Variants in ARHGAP6 observed in about 807,000 individuals in gnomAD.
The protein encoded by ARHGAP6 is rho GTPase-activating protein 6.
Under a neutral mutation model 55.7 loss-of-function variants are expected in ARHGAP6, and 16 were observed. The ratio of observed to expected loss-of-function variants is 0.29; its 90% CI spans 0.19 to 0.44. ARHGAP6 has a LOEUF of 0.44. ARHGAP6 is among the 20% of genes least tolerant of loss of function. The pLI, the probability that ARHGAP6 is intolerant of heterozygous loss-of-function variation, is 1.00. For missense variants in ARHGAP6, 698 were observed against 808.9 expected, an observed-to-expected ratio of 0.86 and a Z score of 1.66; for synonymous variants, 382 against 360.9, an observed-to-expected ratio of 1.06 and a Z score of -0.66.
At chrX:11,178,316 C>G in intron 7 of ARHGAP6, 68 bp from the exon 8 acceptor site, 1 of 1,069,211 alleles carries the variant, frequency 9.4e-7, no homozygotes, top group Non-Finnish European at 1.2e-6. Flanking sequence ...AGAGGAAAGG[C>G]CTCCTCTCAA....
chrX:11,554,081 A>G (rs1196744804), intron 1 of ARHGAP6, among the ~76,000 whole-genome samples: 2 of 112,479 alleles, frequency 1.8e-5, no homozygotes, highest in Non-Finnish European at 3.8e-5. Context: ...AATGTGCTGT[A>G]TAATATACAC....
intron 1 of ARHGAP6, among the ~76,000 whole-genome samples, chrX:11,406,968 A>G: frequency 9.1e-6 from 1 of 110,430 alleles, no homozygotes; most frequent in Non-Finnish European, 1.9e-5. Flanking sequence ...TTCTTGGTTC[A>G]TTTTTTATAA....
chrX:11,336,154 T>C (rs1329510784), intron 1 of ARHGAP6, among the ~76,000 whole-genome samples: 2 of 112,276 alleles, frequency 1.8e-5, no homozygotes, highest in Non-Finnish European at 3.8e-5. Flanking sequence ...ATTTTTAAAA[T>C]ATTTTAAATT....
intron 1 of ARHGAP6, among the ~76,000 whole-genome samples, chrX:11,656,487 C>G (rs1348507076): frequency 8.9e-6 from 1 of 112,333 alleles, no homozygotes; most frequent in African/African-American, 3.2e-5. Flanking sequence ...GTCAGTAGAG[C>G]TATATTCCTC....
At chrX:11,314,605 C>T (rs779966671) in intron 1 of ARHGAP6, among the ~76,000 whole-genome samples, 35 of 112,158 alleles carry the variant, frequency 3.1e-4, no homozygotes, top group Non-Finnish European at 5.3e-4. Flanking sequence ...CATCCATGTC[C>T]CTGCAAAAGA....
intron 1 of ARHGAP6, among the ~76,000 whole-genome samples, chrX:11,286,092 CT>C (rs1480483466): frequency 8.9e-6 from 1 of 112,138 alleles, no homozygotes; most frequent in African/African-American, 3.2e-5. Flanking sequence ...AATTTAGACA[CT>C]TTTTGAATTA....
intron 1 of ARHGAP6, among the ~76,000 whole-genome samples, chrX:11,556,404 G>A (rs941352268): frequency 1.2e-4 from 13 of 112,106 alleles, no homozygotes; most frequent in Non-Finnish European, 9.4e-5. Flanking sequence ...TTACAAGGAA[G>A]ACCCAAGAGG....
At chrX:11,325,454 T>C (rs1387281014) in intron 1 of ARHGAP6, among the ~76,000 whole-genome samples, 3 of 112,291 alleles carry the variant, frequency 2.7e-5, no homozygotes, top group African/African-American at 9.7e-5. Flanking sequence ...TTTCTTTGTA[T>C]AATTTTCTAA....
intron 1 of ARHGAP6, among the ~76,000 whole-genome samples, chrX:11,259,508 C>T (rs144516580): frequency 0.015 from 1,650 of 111,778 alleles, 20 homozygotes; most frequent in African/African-American, 0.045. Context: ...ATAATAAGTG[C>T]TATGTAGTAA....
At chrX:11,367,123 G>A (rs958411254) in intron 1 of ARHGAP6, among the ~76,000 whole-genome samples, 5 of 111,980 alleles carry the variant, frequency 4.5e-5, no homozygotes, top group African/African-American at 1.6e-4. Context: ...TCCTGAATTC[G>A]CAGCAAAGTT....
intron 1 of ARHGAP6, among the ~76,000 whole-genome samples, chrX:11,485,588 C>T (rs1389628281): frequency 8.9e-6 from 1 of 112,547 alleles, no homozygotes; most frequent in Non-Finnish European, 1.9e-5. Flanking sequence ...TGAAACTGTT[C>T]AGCAATTTAT....
At chrX:11,365,803 T>C in intron 1 of ARHGAP6, among the ~76,000 whole-genome samples, 1 of 112,311 alleles carries the variant, frequency 8.9e-6, no homozygotes, top group South Asian at 3.7e-4. Flanking sequence ...AGAGCCATAG[T>C]TTTTTATACA....
intron 1 of ARHGAP6, among the ~76,000 whole-genome samples, chrX:11,611,166 T>C (rs2052097310): frequency 8.9e-6 from 1 of 112,693 alleles, no homozygotes; most frequent in Non-Finnish European, 1.9e-5. Flanking sequence ...ATTCTAAATA[T>C]GCATTAGTTT....
chrX:11,334,322 A>C (rs1249239768), intron 1 of ARHGAP6: 1 of 118,320 alleles, frequency 8.5e-6, no homozygotes, highest in Non-Finnish European at 1.8e-5. Flanking sequence ...TTTGTCATAC[A>C]GATGGAAAAC....
At chrX:11,220,126 C>T (rs2046945991) in intron 2 of ARHGAP6, among the ~76,000 whole-genome samples, 1 of 107,926 alleles carries the variant, frequency 9.3e-6, no homozygotes, top group Admixed American at 1.0e-4. Context: ...GTTTTCCCAG[C>T]ACCATTTATT....
intron 1 of ARHGAP6, among the ~76,000 whole-genome samples, chrX:11,328,684 A>G (rs1460947974): frequency 8.9e-6 from 1 of 112,377 alleles, no homozygotes; most frequent in Admixed American, 9.4e-5. Context: ...GTCTATCCTC[A>G]TAGTTGTTGA....
intron 2 of ARHGAP6, among the ~76,000 whole-genome samples, chrX:11,225,398 C>T (rs1243678430): frequency 9.0e-6 from 1 of 110,926 alleles, no homozygotes; most frequent in East Asian, 2.8e-4. Context: ...GAAGGGTCAT[C>T]AAATACTCTT....
chrX:11,187,040 T>C (rs1331738831), intron 4 of ARHGAP6, among the ~76,000 whole-genome samples: 2 of 110,970 alleles, frequency 1.8e-5, no homozygotes, highest in Non-Finnish European at 3.8e-5. Context: ...TCTGGGGAGC[T>C]CTAGGAGACA....
chrX:11,367,663 G>T, intron 1 of ARHGAP6: 1 of 199,064 alleles, frequency 5.0e-6, no homozygotes, highest in Non-Finnish European at 7.6e-6. Flanking sequence ...TGGATCTTAA[G>T]CTCATATCAT....
Sources: gnomAD v4.1 joint callset for allele counts (sites outside exome capture counted in the v4.1 genomes callset) on GRCh38, gnomAD v4.1.1 for gene constraint, MANE v1.5 for transcripts, NCBI Gene and HGNC (gene_info 2026-07-23, HGNC 2026-07-21) for gene names.